The following TENT5A variants were observed in gnomAD, a reference collection of about 807,000 sequenced individuals.
The protein encoded by TENT5A is HBV X-transactivated gene 11 protein.
In TENT5A, 9 loss-of-function variants were observed where a neutral mutation model predicts 30.2. The ratio of observed to expected loss-of-function variants is 0.30; its 90% CI spans 0.18 to 0.52. The LOEUF (loss-of-function observed/expected upper bound fraction) is 0.52. Ranked by LOEUF, TENT5A falls within the 20% of genes least tolerant of loss-of-function variation. The pLI is 0.97. For missense variants in TENT5A, 411 were observed against 566.1 expected (o/e 0.73, Z 2.78); for synonymous variants, 264 against 234.2 (o/e 1.13, Z -1.16).
Position 81,752,652 on chromosome 6 carries a change from C to T in TENT5A, c.-259G>A, listed in dbSNP as rs779205264. ...CTGGCGGCTCTTGCTGCCACACACG[C>T]TCGTGTCTCTGGAGCTTTAGCAGTT... On this transcript the variant is annotated 5_prime_UTR_variant, in exon 1 of 3. Coordinates refer to ENST00000320172, the MANE Select transcript of TENT5A (RefSeq NM_017633.3). The T allele has an allele frequency of 1.3e-5, 9 of 718,030 alleles. No homozygotes were observed. The highest frequency in any genetic ancestry group is 3.5e-5 in the African/African-American group (2 of 57,270). The allele number at this position is 718,030 out of a possible 1,614,324, so 44.5% of individuals were successfully genotyped here.
rs571232590 is a variant in TENT5A at position 81,752,557 on chromosome 6, G to A, written c.-164C>T. 6.9e-6 allele frequency: 7 copies of A among 1,020,304 alleles called. No individual in the cohort carries two copies. Among genetic ancestry groups the A allele is most frequent in the East Asian group, 2.6e-5 (1 of 38,486 alleles). The allele number at this position is 1,020,304 out of a possible 1,614,324, so 63.2% of individuals were successfully genotyped here. ...ACTTCGTCTTTCCCAGACCCCTGCCGCCTGCGCTCACCACTCCCTCCCCGC... is the reference window on the plus strand; with the variant it reads ...ACTTCGTCTTTCCCAGACCCCTGCCACCTGCGCTCACCACTCCCTCCCCGC... On this transcript the variant is annotated 5_prime_UTR_variant, in exon 1 of 3. Transcript: ENST00000320172.
chr6:81,746,412 T>C lies in TENT5A; in HGVS notation c.*3283A>G, dbSNP rs1233697011. 1 of 1,230,864 alleles carries C rather than the reference T, an allele frequency of 8.1e-7. No homozygotes were observed. Among genetic ancestry groups the C allele is most frequent in the East Asian group, 3.2e-5 (1 of 31,676 alleles). The allele number at this position is 1,230,864 out of a possible 1,614,324, so 76.2% of individuals were successfully genotyped here. ...GGTGGTAAAAACAGTACGTTCACTT[T>C]TCATTTCCTTCCTTGGTTTGGATTA... On this transcript the variant is annotated 3_prime_UTR_variant, in exon 3 of 3. Coordinates refer to ENST00000320172, the MANE Select transcript of TENT5A (RefSeq NM_017633.3).
chr6:81,751,683 C>G lies in TENT5A; in HGVS notation c.459G>C (p.Glu153Asp). The G allele has an allele frequency of 6.2e-7, 1 of 1,614,196 alleles. No homozygotes were observed. Among genetic ancestry groups the G allele is most frequent in the Non-Finnish European group, 8.5e-7 (1 of 1,180,054 alleles). The part of the protein sequence containing the change: ...IFCADLRGEG[E>D]FQTVKDVVLD... ...GCACGACGTCCTTCACAGTCTGAAA[C>G]TCCCCTTCCCCGCGCAGGTCGGCGC... Residue 153 changes from glutamate to aspartate, a missense_variant, in exon 2 of 3, where the codon GAG becomes GAC. Glu to Asp is a conservative substitution (Grantham distance 45). Around this residue, in one of 5 missense-constraint regions of TENT5A, gnomAD observed 157 missense variants for 183.2 expected, o/e 0.86. Transcript: ENST00000320172.
In TENT5A at chr6:81,749,617, CTT is replaced by C. The variant is rs879128167; in HGVS notation, c.*76_*77del. The C allele has an allele frequency of 1.5e-6, 2 of 1,370,994 alleles. No individual in the cohort carries two copies. The highest frequency in any genetic ancestry group is 2.5e-5 in the East Asian group (1 of 39,380). 84.9% of individuals were successfully genotyped at this position (1,370,994 alleles called of 1,614,324 possible). ...CATCCCTAATAAGGGCTGGATCACT[CTT>C]TTTTTTTTCTTTTTTTTTTTTTTCT... is the stretch of plus-strand genomic sequence containing the variant. On this transcript the variant is annotated 3_prime_UTR_variant, in exon 3 of 3. Coordinates refer to ENST00000320172, the MANE Select transcript of TENT5A (RefSeq NM_017633.3).
In TENT5A at chr6:81,748,929, A is replaced by G. The variant is rs562496481; in HGVS notation, c.*766T>C. ...ATAATCTCTCTTCATATAGTCTACT[A>G]TATCTCTTCTAATTGGGTATTTTTA... On this transcript the variant is annotated 3_prime_UTR_variant, in exon 3 of 3. Transcript: ENST00000320172. The G allele has an allele frequency of 2.0e-6, 2 of 984,240 alleles. No homozygotes were observed. The highest frequency in any genetic ancestry group is 2.4e-6 in the Non-Finnish European group (2 of 828,616). 61.0% of individuals were successfully genotyped at this position (984,240 alleles called of 1,614,324 possible). A position where few individuals can be genotyped will look rare whatever the true frequency, so the allele number is the denominator to read the frequency against.
rs528954747 is a variant in TENT5A, at chr6:81,751,914, G to A, written c.228C>T (p.Gly76=). Reference sequence around the variant, plus strand: ...GAATCGGAATGGTCTCGCTCAGGATGCCGTCCAGCCGCTGCACTTGCTCCC... The same window carrying A: ...GAATCGGAATGGTCTCGCTCAGGATACCGTCCAGCCGCTGCACTTGCTCCC... ...LNWEQVQRLD[G]ILSETIPIHG... is the part of the protein sequence containing the mutation. Residue 76 remains glycine, a synonymous_variant, in exon 2 of 3, where the codon GGC becomes GGT. Coordinates refer to ENST00000320172, the MANE Select transcript of TENT5A (RefSeq NM_017633.3). 6 of 1,612,970 alleles carry A rather than the reference G, an allele frequency of 3.7e-6. No homozygotes were observed. In the Admixed American group the frequency reaches 6.7e-5, roughly 18 times the overall value.
At chr6:81,751,489 G>T in intron 2 of TENT5A, 101 bp downstream of exon 2, 1 of 1,109,534 alleles carries the variant, frequency 9.0e-7, no homozygotes, top group Non-Finnish European at 1.3e-6. Context: ...AACTCGTGAT[G>T]GCCACAGATT....
At chr6:81,751,561 G>C in intron 2 of TENT5A, 29 bp downstream of exon 2, 1 of 1,560,226 alleles carries the variant, frequency 6.4e-7, no homozygotes, top group Non-Finnish European at 8.7e-7. Context: ...GACTGGGTCA[G>C]GACCCAAGTG....
chr6:81,751,810 TTC>T lies in TENT5A; in HGVS notation c.330_331del (p.Lys111AlafsTer82). 1 of 1,612,770 alleles carries T rather than the reference TTC, an allele frequency of 6.2e-7. No individual in the cohort carries two copies. The highest frequency in any genetic ancestry group is 8.5e-7 in the Non-Finnish European group (1 of 1,179,826). On this transcript the variant is annotated frameshift_variant, in exon 2 of 3. Transcript: ENST00000320172. LOFTEE classifies it high-confidence loss of function. ...GCGCACGTCGCGGACGCCAATGCGC[TTC>T]TCGGCCAGGCGCCGCCGCACCACCT...
chr6:81,752,279 C>G, intron 1 of TENT5A, 101 bp from the exon 2 acceptor site: 1 of 1,499,578 alleles, frequency 6.7e-7, no homozygotes, highest in Non-Finnish European at 8.9e-7. Context: ...CGCCCCCTCC[C>G]CCGATAGTTC....
chr6:81,752,251 G>T, intron 1 of TENT5A, 73 bp from the exon 2 acceptor site: 1 of 1,476,724 alleles, frequency 6.8e-7, no homozygotes, highest in South Asian at 1.4e-5. Context: ...GGAGAGCAGA[G>T]GCCCGCCAGG....
rs776269159 is a variant in TENT5A at position 81,750,250 on chromosome 6, T to C, written c.774A>G (p.Thr258=). The C allele has an allele frequency of 6.2e-7, 1 of 1,614,064 alleles. No individual in the cohort carries two copies. The highest frequency in any genetic ancestry group is 8.5e-7 in the Non-Finnish European group (1 of 1,179,918). ...ENPMTETFHP[T]IIGESVYGDF... is the part of the protein sequence containing the mutation. ...CGCCATAGACGCTCTCCCCGATTATTGTGGGGTGAAATGTCTCAGTCATTG... is the reference window on the plus strand; with the variant it reads ...CGCCATAGACGCTCTCCCCGATTATCGTGGGGTGAAATGTCTCAGTCATTG... The change falls in exon 3 of 3, where the codon ACA becomes ACG. Residue 258 remains threonine (T), a synonymous_variant. Transcript: ENST00000320172. The surrounding 1 kb of genome is among the most constrained non-coding windows in gnomAD (Gnocchi z 4.2).
At chr6:81,752,377 A>C in intron 1 of TENT5A, 54 bp downstream of exon 1, 1 of 1,530,030 alleles carries the variant, frequency 6.5e-7, no homozygotes, top group Non-Finnish European at 8.8e-7. Context: ...GCCCCGCACC[A>C]AAAGTATCTC....
Position 81,748,224 on chromosome 6 carries a change from A to G in TENT5A, c.*1471T>C. On this transcript the variant is annotated 3_prime_UTR_variant, in exon 3 of 3. Coordinates refer to ENST00000320172, the MANE Select transcript of TENT5A (RefSeq NM_017633.3). ...CTTTTTAGCAGTCAGGGATTTAAGT[A>G]GCCTATTACTGATCCATGATCCACT... 1 of 985,398 alleles carries G rather than the reference A, an allele frequency of 1.0e-6. No individual in the cohort carries two copies. Among genetic ancestry groups the G allele is most frequent in the Non-Finnish European group, 1.2e-6 (1 of 829,800 alleles). The allele number at this position is 985,398 out of a possible 1,614,324, so 61.0% of individuals were successfully genotyped here.
Position 81,748,885 on chromosome 6 carries a change from A to C in TENT5A, c.*810T>G, listed in dbSNP as rs1386743248. On this transcript the variant is annotated 3_prime_UTR_variant, in exon 3 of 3. Coordinates refer to ENST00000320172, the MANE Select transcript of TENT5A (RefSeq NM_017633.3). ...CAGAAGGCAACAGGCACTTTGATGT[A>C]TATTGGTGTGTAACAAATATAATCT... is the stretch of plus-strand genomic sequence containing the variant. 1 of 985,278 alleles carries C rather than the reference A, an allele frequency of 1.0e-6. No individual in the cohort carries two copies. Among genetic ancestry groups the C allele is most frequent in the Non-Finnish European group, 1.2e-6 (1 of 829,492 alleles). The allele number at this position is 985,278 out of a possible 1,614,324, so 61.0% of individuals were successfully genotyped here.
chr6:81,746,806 C>A lies in TENT5A; in HGVS notation c.*2889G>T. ...ACATGGCTCTCTCTCACCAGACATT[C>A]AAATTTTTAGGCCGCACATCCACAA... On this transcript the variant is annotated 3_prime_UTR_variant, in exon 3 of 3. Transcript: ENST00000320172. 1 of 1,195,656 alleles carries A rather than the reference C, an allele frequency of 8.4e-7. No individual in the cohort carries two copies. Among genetic ancestry groups the A allele is most frequent in the Non-Finnish European group, 1.0e-6 (1 of 965,390 alleles). 74.1% of individuals were successfully genotyped at this position (1,195,656 alleles called of 1,614,324 possible). A position where few individuals can be genotyped will look rare whatever the true frequency, so the allele number is the denominator to read the frequency against.
chr6:81,751,877 T>G lies in TENT5A; in HGVS notation c.265A>C (p.Asn89His). ...SETIPIHGRG[N>H]FPTLELQPSL... is the part of the protein sequence containing the mutation. Reference sequence around the variant, plus strand: ...GGCTGCAGCTCGAGCGTGGGGAAGTTGCCGCGCCCGTGAATCGGAATGGTC... The same window carrying G: ...GGCTGCAGCTCGAGCGTGGGGAAGTGGCCGCGCCCGTGAATCGGAATGGTC... The change falls in exon 2 of 3, where the codon AAC (asparagine) becomes CAC (histidine). Residue 89 changes from asparagine to histidine, a missense_variant. By Grantham distance (68) the Asn-to-His change is moderately conservative. This residue lies in a region of TENT5A where 157 missense variants were observed against 183.2 expected (regional missense o/e 0.86). Coordinates refer to ENST00000320172, the MANE Select transcript of TENT5A (RefSeq NM_017633.3). 1 of 1,613,162 alleles carries G rather than the reference T, an allele frequency of 6.2e-7. No individual in the cohort carries two copies. The highest frequency in any genetic ancestry group is 1.1e-5 in the South Asian group (1 of 91,080).
At position 81,752,106 on chromosome 6, in the gene TENT5A, C is replaced by T; in HGVS notation, c.36G>A (p.Glu12=). ...AEGEGYFAMS[E]DELACSPYIP... is the part of the protein sequence containing the mutation. The stretch of plus-strand genomic sequence containing the variant: ...TGTAGGGGCTGCAGGCCAGCTCGTC[C>T]TCAGACATGGCGAAGTACCCTTCAC... The change falls in exon 2 of 3, where the codon GAG becomes GAA. Residue 12 remains glutamate (E), a synonymous_variant. Coordinates refer to ENST00000320172, the MANE Select transcript of TENT5A (RefSeq NM_017633.3). 2 of 1,507,620 alleles carry T rather than the reference C, an allele frequency of 1.3e-6. No homozygotes were observed. Among genetic ancestry groups the T allele is most frequent in the Non-Finnish European group, 1.8e-6 (2 of 1,125,158 alleles). 93.4% of individuals were successfully genotyped at this position (1,507,620 alleles called of 1,614,324 possible). A position where few individuals can be genotyped will look rare whatever the true frequency, so the allele number is the denominator to read the frequency against.
chr6:81,746,994 A>T lies in TENT5A; in HGVS notation c.*2701T>A. 1.0e-6 allele frequency: 1 copy of T among 989,048 alleles called. No homozygotes were observed. Among genetic ancestry groups the T allele is most frequent in the Non-Finnish European group, 1.2e-6 (1 of 832,152 alleles). 61.3% of individuals were successfully genotyped at this position (989,048 alleles called of 1,614,324 possible). ...TGCCAGGTGCTGGCACTTCCAACTA[A>T]GCTACCAACCCTGAAGTAAGCAAGA... is the stretch of plus-strand genomic sequence containing the variant. On this transcript the variant is annotated 3_prime_UTR_variant, in exon 3 of 3. Transcript: ENST00000320172.
Sources: allele counts gnomAD v4.1 joint callset, GRCh38; gene constraint gnomAD v4.1.1; regional missense constraint gnomAD v4.1.1; non-coding constraint Gnocchi (gnomAD v3.1); transcripts MANE v1.5; gene names NCBI Gene and HGNC (gene_info 2026-07-23, HGNC 2026-07-21).